The following CSMD1 variants were observed in gnomAD, a reference collection of about 807,000 sequenced individuals.
The protein encoded by CSMD1 is CUB and Sushi multiple domains 1.
A neutral mutation model predicts 417.5 loss-of-function variants in CSMD1; 213 were observed. The observed-to-expected ratio is 0.51, with a 90% confidence interval of 0.46 to 0.57. The LOEUF is 0.57. Ranked by LOEUF, CSMD1 falls within the 20% of genes least tolerant of loss-of-function variation. CSMD1 has a pLI of 0.00. For missense variants in CSMD1, 6,923 were observed against 4,529.7 expected, an observed-to-expected ratio of 1.53 and a Z score of -15.17; for synonymous variants, 2,862 against 1,736.8, an observed-to-expected ratio of 1.65 and a Z score of -16.11.
chr8:3,593,264 G>C (rs1467553099), intron 8 of CSMD1, among the ~76,000 whole-genome samples: 1 of 152,240 alleles, frequency 6.6e-6, no homozygotes, highest in Non-Finnish European at 1.5e-5. Context: ...TTGTGTCTGT[G>C]TGTTCAGGAG....
At chr8:3,807,087 C>A (rs369076711) in intron 5 of CSMD1, among the ~76,000 whole-genome samples, 4 of 152,084 alleles carry the variant, frequency 2.6e-5, no homozygotes, top group African/African-American at 9.7e-5. Flanking sequence ...GCTTCCCCCA[C>A]GCACTGGGGG....
At chr8:4,005,532 T>C (rs931111855) in intron 4 of CSMD1, among the ~76,000 whole-genome samples, 3 of 152,202 alleles carry the variant, frequency 2.0e-5, no homozygotes, top group Non-Finnish European at 4.4e-5. Flanking sequence ...TCTCAACGAA[T>C]TGGCTCATTC....
At chr8:3,350,659 C>T (rs1034482945) in intron 21 of CSMD1, among the ~76,000 whole-genome samples, 40 of 152,080 alleles carry the variant, frequency 2.6e-4, no homozygotes, top group African/African-American at 9.2e-4. Context: ...AAATAGGTCA[C>T]CGATTAATTG....
intron 3 of CSMD1, among the ~76,000 whole-genome samples, chr8:4,335,886 C>T (rs991624923): frequency 1.8e-4 from 27 of 152,152 alleles, no homozygotes; most frequent in African/African-American, 6.3e-4. Flanking sequence ...AGTGGAGAAC[C>T]TCCAGGGCTT....
intron 2 of CSMD1, among the ~76,000 whole-genome samples, chr8:4,465,099 G>A (rs1355263573): frequency 6.6e-6 from 1 of 152,064 alleles, no homozygotes; most frequent in Non-Finnish European, 1.5e-5. Flanking sequence ...GTTTTCACTG[G>A]GAGACACTAA....
chr8:4,091,767 C>G (rs185777670), intron 3 of CSMD1, among the ~76,000 whole-genome samples: 36 of 152,290 alleles, frequency 2.4e-4, no homozygotes, highest in Admixed American at 3.9e-4. Flanking sequence ...TTAACATATT[C>G]TACTTTAAGT....
intron 3 of CSMD1, among the ~76,000 whole-genome samples, chr8:4,353,143 G>GT (rs1801195318): frequency 6.6e-6 from 1 of 152,132 alleles, no homozygotes; most frequent in African/African-American, 2.4e-5. Context: ...GTTTGGCTGT[G>GT]TCCCCACACA....
At chr8:4,031,877 G>C (rs746761793) in intron 4 of CSMD1, 28 bp downstream of exon 4, 4 of 1,567,946 alleles carry the variant, frequency 2.6e-6, no homozygotes, top group East Asian at 4.6e-5. Context: ...CCTGGAGTCT[G>C]CTCACCAGCC....
chr8:3,071,265 G>A (rs1472672036), intron 49 of CSMD1, among the ~76,000 whole-genome samples: 1 of 152,142 alleles, frequency 6.6e-6, no homozygotes, highest in Non-Finnish European at 1.5e-5. Context: ...ATTTCATGCT[G>A]AAAGGATCAT....
intron 3 of CSMD1, among the ~76,000 whole-genome samples, chr8:4,057,168 A>T (rs1043058875): frequency 2.6e-5 from 4 of 151,960 alleles, no homozygotes; most frequent in Non-Finnish European, 5.9e-5. Flanking sequence ...TAGTGTTCCT[A>T]TTTCTCCACA....
chr8:4,772,680 G>C (rs143060263), intron 1 of CSMD1, among the ~76,000 whole-genome samples: 1 of 152,150 alleles, frequency 6.6e-6, no homozygotes, highest in African/African-American at 2.4e-5. Context: ...CCATAAAAAT[G>C]TATCTGTGAA....
In CSMD1 at chr8:3,425,582, G is replaced by T. The variant is rs1436385336; in HGVS notation, c.1562-15977C>A. 9.2e-4 allele frequency among the ~76,000 whole-genome samples: 107 copies of T among 116,064 alleles called. 3 individuals carry two copies. The South Asian group carries it at 0.013, about 14-fold the overall frequency. 76.1% of individuals were successfully genotyped at this position (116,064 alleles called of 152,430 possible). ...TGGCCTGGGAGAGAGAGCAAGATTC[G>T]GTCTCAAAAAAAAAAAAAAAAAGAA... On this transcript the variant is annotated intron_variant, in intron 12 of 69. Transcript: ENST00000635120.
intron 3 of CSMD1, among the ~76,000 whole-genome samples, chr8:4,332,142 T>C (rs538771601): frequency 6.6e-6 from 1 of 152,240 alleles, no homozygotes; most frequent in African/African-American, 2.4e-5. Context: ...GATGAAAATG[T>C]CAAGTTGCTT....
intron 1 of CSMD1, among the ~76,000 whole-genome samples, chr8:4,927,273 G>A (rs549101828): frequency 1.3e-5 from 2 of 151,854 alleles, no homozygotes; most frequent in Admixed American, 1.3e-4. Flanking sequence ...GGCTAGGCTG[G>A]TCTCGAACTC....
intron 1 of CSMD1, among the ~76,000 whole-genome samples, chr8:4,695,802 AT>A (rs1807090086): frequency 6.6e-6 from 1 of 152,198 alleles, no homozygotes; most frequent in African/African-American, 2.4e-5. Context: ...CCTCTAGAAT[AT>A]TTTTACCTGG....
intron 5 of CSMD1, among the ~76,000 whole-genome samples, chr8:3,773,719 AT>A (rs1408405766): frequency 1.3e-4 from 20 of 152,188 alleles, no homozygotes; most frequent in Admixed American, 1.3e-3. Context: ...CTTCAAATTG[AT>A]GATGAGGAGG....
intron 3 of CSMD1, among the ~76,000 whole-genome samples, chr8:4,052,935 A>G (rs1287518075): frequency 6.6e-6 from 1 of 152,104 alleles, no homozygotes; most frequent in Non-Finnish European, 1.5e-5. Context: ...AGAAGTGGCT[A>G]ATGAGGGTCT....
At chr8:3,295,910 C>T (rs1803927727) in intron 25 of CSMD1, among the ~76,000 whole-genome samples, 1 of 152,048 alleles carries the variant, frequency 6.6e-6, no homozygotes, top group African/African-American at 2.4e-5. Flanking sequence ...CAAGAGTGTA[C>T]TGAGTGCACC....
intron 12 of CSMD1, among the ~76,000 whole-genome samples, chr8:3,421,170 T>A (rs1266111342): frequency 6.6e-6 from 1 of 152,212 alleles, no homozygotes; most frequent in African/African-American, 2.4e-5. Flanking sequence ...ATTTCTTTTC[T>A]TAAACTCATA....
Sources: allele counts gnomAD v4.1 joint callset (sites outside exome capture counted in the v4.1 genomes callset), GRCh38; gene constraint gnomAD v4.1.1; transcripts MANE v1.5; gene names NCBI Gene and HGNC (gene_info 2026-07-23, HGNC 2026-07-21).